Variants in VDR observed in about 807,000 individuals in gnomAD.
The protein encoded by VDR is vitamin D3 receptor.
In VDR, 19 loss-of-function variants were observed where a neutral mutation model predicts 39.7. That is an observed-to-expected ratio of 0.48 (90% CI 0.33 to 0.70). The LOEUF (loss-of-function observed/expected upper bound fraction) is 0.70, where lower values mean the gene tolerates loss of function less well. Ranked by LOEUF, VDR falls within the 30% of genes least tolerant of loss-of-function variation. The probability of loss-of-function intolerance (pLI) is 0.02; values close to 1 mark genes in which losing one functional copy is unlikely to be tolerated. For synonymous variants in VDR, 242 were observed against 215.8 expected (o/e 1.12, Z -1.07); for missense variants, 442 against 570.5 (o/e 0.77, Z 2.29).
chr12:47,846,479 G>A (rs545245530), intron 8 of VDR, 28 bp from the exon 9 acceptor site: 32 of 1,557,342 alleles, frequency 2.1e-5, no homozygotes, highest in East Asian at 9.6e-5. Flanking sequence ...CAGGTACTGC[G>A]GGCAGAGCTG....
intron 1 of VDR, chr12:47,896,694 G>A (rs1946470851): frequency 6.6e-6 from 1 of 152,272 alleles, no homozygotes; most frequent in South Asian, 2.1e-4. Context: ...TGTGCACGTG[G>A]TTTCAACAAA....
At position 47,851,806 on chromosome 12, in the gene VDR, C is replaced by T. The variant is rs12721366; in HGVS notation, c.755+3824G>A. On this transcript the variant is annotated intron_variant, in intron 7 of 9. Coordinates refer to ENST00000549336, the MANE Select transcript of VDR (RefSeq NM_000376.3). ...CCTTCTGCTCTGGGACTTCTCAAGT[C>T]ATACTGAAGACAGAGAAGCCAACCC... Among the ~76,000 whole-genome samples the T allele has an allele frequency of 4.6e-3, 704 of 152,308 alleles. 3 individuals are homozygous for T. Among genetic ancestry groups the T allele is most frequent in the Middle Eastern group, 0.02 (6 of 294 alleles).
chr12:47,846,023 G>A (rs557801267), intron 9 of VDR, among the ~76,000 whole-genome samples: 8 of 152,340 alleles, frequency 5.3e-5, no homozygotes, highest in South Asian at 4.1e-4. Flanking sequence ...CCCAGTTCAC[G>A]CAAGAGCAGA....
At chr12:47,879,183 T>G in intron 2 of VDR, 68 bp from the exon 3 acceptor site, 1 of 1,570,904 alleles carries the variant, frequency 6.4e-7, no homozygotes, top group Non-Finnish European at 8.6e-7. Flanking sequence ...GCATCCTTGG[T>G]GCCACCCACC....
intron 3 of VDR, among the ~76,000 whole-genome samples, chr12:47,867,661 C>T (rs1945765254): frequency 1.3e-5 from 2 of 152,228 alleles, no homozygotes; most frequent in South Asian, 4.1e-4. Context: ...GGCAGAATCA[C>T]TGTCTGCATG....
chr12:47,887,402 C>T (rs1946278828), intron 1 of VDR, among the ~76,000 whole-genome samples: 1 of 149,950 alleles, frequency 6.7e-6, no homozygotes, highest in African/African-American at 2.5e-5. Context: ...GACTCTTAGA[C>T]TTTTCTAAGA....
intron 7 of VDR, among the ~76,000 whole-genome samples, chr12:47,847,688 T>C (rs550378719): frequency 6.6e-6 from 1 of 152,226 alleles, no homozygotes; most frequent in South Asian, 2.1e-4. Flanking sequence ...GTCTCCCACC[T>C]CAGCCTTCCG....
chr12:47,848,685 G>A (rs879692247), intron 7 of VDR, among the ~76,000 whole-genome samples: 30 of 145,484 alleles, frequency 2.1e-4, no homozygotes, highest in Non-Finnish European at 4.5e-4. Context: ...TCCTACCTCA[G>A]CCTCCTGAGT....
intron 1 of VDR, among the ~76,000 whole-genome samples, chr12:47,892,558 T>C (rs1451629957): frequency 6.6e-6 from 1 of 152,196 alleles, no homozygotes; most frequent in Admixed American, 6.5e-5. Context: ...CACACTGTGG[T>C]GGACATTGAC....
At chr12:47,845,472 A>G (rs181339402) in intron 9 of VDR, among the ~76,000 whole-genome samples, 249 of 152,052 alleles carry the variant, frequency 1.6e-3, no homozygotes, top group African/African-American at 5.7e-3. Flanking sequence ...CCCTCCTTCT[A>G]TTCTACCCTT....
chr12:47,878,729 C>A, intron 3 of VDR: 2 of 661,388 alleles, frequency 3.0e-6, no homozygotes, highest in Non-Finnish European at 2.7e-6. Context: ...AAGACAGAGA[C>A]CCACACAGCA....
At chr12:47,876,223 G>A (rs2137194838) in intron 3 of VDR, among the ~76,000 whole-genome samples, 1 of 151,946 alleles carries the variant, frequency 6.6e-6, no homozygotes, top group South Asian at 2.1e-4. Flanking sequence ...GGTTGACTGT[G>A]TGTGTGTGTG....
chr12:47,900,864 G>A (rs1444091221), intron 1 of VDR, among the ~76,000 whole-genome samples: 1 of 152,182 alleles, frequency 6.6e-6, no homozygotes, highest in Admixed American at 6.5e-5. Context: ...CCCACACCCT[G>A]CTTAGGACCA....
At chr12:47,871,024 C>T (rs1039774465) in intron 3 of VDR, among the ~76,000 whole-genome samples, 17 of 151,962 alleles carry the variant, frequency 1.1e-4, no homozygotes, top group African/African-American at 3.9e-4. Flanking sequence ...GGGTTCTCCT[C>T]AGGTGGGTTT....
chr12:47,867,353 C>G (rs1335949767), intron 3 of VDR, among the ~76,000 whole-genome samples: 3 of 143,200 alleles, frequency 2.1e-5, no homozygotes, highest in Non-Finnish European at 4.6e-5. Flanking sequence ...GACTCTGTCT[C>G]AAAAAAAAAA....
At chr12:47,846,289 TC>T in intron 9 of VDR, 45 bp downstream of exon 9, 2 of 1,564,802 alleles carry the variant, frequency 1.3e-6, no homozygotes, top group South Asian at 1.1e-5. Flanking sequence ...TCCTTCATAC[TC>T]CCCGCTCCCC....
chr12:47,882,623 G>GGCCCGGGCCCCCCCCC, intron 2 of VDR, 71 bp downstream of exon 2: 1 of 543,282 alleles, frequency 1.8e-6, no homozygotes, highest in Non-Finnish European at 3.2e-6. Context: ...ACCTTCTTAT[G>GGCCCGGGCCCCCCCCC]CCCCTCCCCC....
Position 47,844,503 on chromosome 12 carries a change from GT to G in VDR, c.*242del. ...GCCTCTGCCCTCTGCCCCCACTTGGGTTTCTTTGTCAAACAAACAGCAACTC... is the reference window on the plus strand; with the variant it reads ...GCCTCTGCCCTCTGCCCCCACTTGGGTTCTTTGTCAAACAAACAGCAACTC... On this transcript the variant is annotated 3_prime_UTR_variant, in exon 10 of 10. Coordinates refer to ENST00000549336, the MANE Select transcript of VDR (RefSeq NM_000376.3). 1 of 614,032 alleles carries G rather than the reference GT, an allele frequency of 1.6e-6. No homozygotes were observed. The highest frequency in any genetic ancestry group is 2.8e-6 in the Non-Finnish European group (1 of 351,250). The allele number at this position is 614,032 out of a possible 1,614,324, so 38.0% of individuals were successfully genotyped here. A position where few individuals can be genotyped will look rare whatever the true frequency, so the allele number is the denominator to read the frequency against.
At chr12:47,856,634 A>AG (rs1229021637) in intron 6 of VDR, among the ~76,000 whole-genome samples, 1 of 151,316 alleles carries the variant, frequency 6.6e-6, no homozygotes, top group Non-Finnish European at 1.5e-5. Context: ...AAAAAAAAAA[A>AG]AAAAAGAAAG....
Sources: gnomAD v4.1 joint callset for allele counts (sites outside exome capture counted in the v4.1 genomes callset) on GRCh38, gnomAD v4.1.1 for gene constraint, MANE v1.5 for transcripts, NCBI Gene and HGNC (gene_info 2026-07-23, HGNC 2026-07-21) for gene names.